Variants in UBE2E2 observed in about 807,000 individuals in gnomAD.
UBE2E2 encodes ubiquitin-conjugating enzyme E2 E2.
A neutral mutation model predicts 24.7 loss-of-function variants in UBE2E2; 6 were observed. The ratio of observed to expected loss-of-function variants is 0.24; its 90% CI spans 0.13 to 0.48. UBE2E2 has a LOEUF of 0.48. Among genes scored for constraint, UBE2E2 ranks in the 20% least tolerant of loss-of-function variants. The pLI is 0.99. For missense variants in UBE2E2, 169 were observed against 245.0 expected, an observed-to-expected ratio of 0.69 and a Z score of 2.07; for synonymous variants, 104 against 83.6, an observed-to-expected ratio of 1.24 and a Z score of -1.33.
At chr3:23,387,426 A>G (rs1355397485) in intron 3 of UBE2E2, among the ~76,000 whole-genome samples, 2 of 152,206 alleles carry the variant, frequency 1.3e-5, no homozygotes, top group South Asian at 4.1e-4. Flanking sequence ...CCAACCTTGC[A>G]TGAATTGTGT....
intron 3 of UBE2E2, among the ~76,000 whole-genome samples, chr3:23,418,174 G>A (rs1269722947): frequency 2.6e-5 from 4 of 152,162 alleles, no homozygotes; most frequent in East Asian, 1.9e-4. Flanking sequence ...TGAAACCCAC[G>A]GCCCTGGTGG....
intron 3 of UBE2E2, among the ~76,000 whole-genome samples, chr3:23,403,803 G>A (rs1376333443): frequency 3.3e-5 from 4 of 121,078 alleles, no homozygotes; most frequent in Non-Finnish European, 4.8e-5. Context: ...GTGAGATTCC[G>A]TCTCCAAAAA....
chr3:23,452,384 G>A (rs1291241123), intron 3 of UBE2E2, among the ~76,000 whole-genome samples: 1 of 151,984 alleles, frequency 6.6e-6, no homozygotes, highest in Non-Finnish European at 1.5e-5. Context: ...TGAACCAGCT[G>A]ACAGTCCTCC....
intron 5 of UBE2E2, among the ~76,000 whole-genome samples, chr3:23,577,742 A>T (rs1238159087): frequency 1.3e-5 from 2 of 152,228 alleles, no homozygotes; most frequent in East Asian, 3.8e-4. Context: ...CCAATCTAGG[A>T]CATTTATAGC....
intron 3 of UBE2E2, among the ~76,000 whole-genome samples, chr3:23,339,187 C>T (rs1695303766): frequency 6.6e-6 from 1 of 151,990 alleles, no homozygotes; most frequent in Non-Finnish European, 1.5e-5. Context: ...TCATAGAAAA[C>T]ATCAAACCCA....
At chr3:23,323,439 C>A (rs1256567190) in intron 3 of UBE2E2, 2 of 358,814 alleles carry the variant, frequency 5.6e-6, no homozygotes, top group Admixed American at 3.5e-5. Flanking sequence ...CCAGGGCTAG[C>A]TCAGGTGTAA....
At chr3:23,310,314 T>TA (rs1694340691) in intron 3 of UBE2E2, among the ~76,000 whole-genome samples, 1 of 151,182 alleles carries the variant, frequency 6.6e-6, no homozygotes, top group Non-Finnish European at 1.5e-5. Flanking sequence ...TTTTTTTTTT[T>TA]ACAAAAATTC....
chr3:23,217,355 A>G, intron 3 of UBE2E2, 43 bp downstream of exon 3: 1 of 1,577,984 alleles, frequency 6.3e-7, no homozygotes, highest in Non-Finnish European at 8.7e-7. Flanking sequence ...CTTTTGCAGA[A>G]GGTGCATTTG....
chr3:23,212,712 A>G (rs1696363063), intron 2 of UBE2E2, among the ~76,000 whole-genome samples: 1 of 152,132 alleles, frequency 6.6e-6, no homozygotes, highest in Non-Finnish European at 1.5e-5. Context: ...ATGAGAATGA[A>G]ATAGTACTTT....
At chr3:23,552,408 A>G (rs1410330480) in intron 5 of UBE2E2, among the ~76,000 whole-genome samples, 2 of 152,180 alleles carry the variant, frequency 1.3e-5, no homozygotes, top group African/African-American at 2.4e-5. Context: ...TCATGTACCA[A>G]TTCCCAGGGG....
intron 2 of UBE2E2, among the ~76,000 whole-genome samples, chr3:23,212,518 CAT>C (rs763672860): frequency 1.4e-4 from 22 of 152,182 alleles, no homozygotes; most frequent in Non-Finnish European, 2.9e-4. Context: ...AATTTTATAT[CAT>C]ATTTATTCTA....
intron 3 of UBE2E2, among the ~76,000 whole-genome samples, chr3:23,483,480 C>T (rs932258337): frequency 6.6e-6 from 1 of 152,192 alleles, no homozygotes; most frequent in Non-Finnish European, 1.5e-5. Context: ...AGAACTGAGG[C>T]TCAGTGGTAT....
intron 3 of UBE2E2, among the ~76,000 whole-genome samples, chr3:23,492,601 A>G (rs1287351594): frequency 1.3e-5 from 2 of 152,202 alleles, no homozygotes; most frequent in Admixed American, 1.3e-4. Flanking sequence ...CAGCTAGCTA[A>G]TTCCATGAAT....
chr3:23,204,659 G>T, intron 1 of UBE2E2: 4 of 978,086 alleles, frequency 4.1e-6, no homozygotes, highest in Non-Finnish European at 4.9e-6. Flanking sequence ...TTCATATAAT[G>T]CCATACCCCA....
At chr3:23,433,160 G>T (rs1052382740) in intron 3 of UBE2E2, among the ~76,000 whole-genome samples, 1 of 151,802 alleles carries the variant, frequency 6.6e-6, no homozygotes, top group African/African-American at 2.4e-5. Context: ...CTGTATGCCA[G>T]GCACTGTTTC....
At chr3:23,438,479 A>G (rs1229716915) in intron 3 of UBE2E2, among the ~76,000 whole-genome samples, 1 of 152,154 alleles carries the variant, frequency 6.6e-6, no homozygotes, top group Non-Finnish European at 1.5e-5. Context: ...TAAATTTGAA[A>G]AGGTTTGAAT....
intron 3 of UBE2E2, among the ~76,000 whole-genome samples, chr3:23,473,839 A>G (rs1180283693): frequency 5.9e-5 from 9 of 152,062 alleles, no homozygotes; most frequent in African/African-American, 1.9e-4. Context: ...CATTTTTGCA[A>G]TTCCAAATTG....
chr3:23,417,302 G>A (rs560117641), intron 3 of UBE2E2, among the ~76,000 whole-genome samples: 5 of 152,208 alleles, frequency 3.3e-5, no homozygotes. Flanking sequence ...CTTCTAACAG[G>A]CCCCTCTGCT....
chr3:23,283,771 G>A lies in UBE2E2; in HGVS notation c.227+66459G>A, dbSNP rs143023030. ...CTGTCTCAAAACAAAACAAAACAAA[G>A]CCTTCTCAAAAGTGTGCTCTCCAGA... On this transcript the variant is annotated intron_variant, in intron 3 of 5. Coordinates refer to ENST00000396703, the MANE Select transcript of UBE2E2 (RefSeq NM_152653.4). 2.2e-3 allele frequency among the ~76,000 whole-genome samples: 341 copies of A among 152,054 alleles called. 3 individuals carry two copies. The highest frequency in any genetic ancestry group is 7.8e-3 in the African/African-American group (325 of 41,468).
Sources: allele counts gnomAD v4.1 joint callset (sites outside exome capture counted in the v4.1 genomes callset), GRCh38; gene constraint gnomAD v4.1.1; transcripts MANE v1.5; gene names NCBI Gene and HGNC (gene_info 2026-07-23, HGNC 2026-07-21).